XPNPEP1: variants seen among roughly 807,000 people sequenced by gnomAD.
XPNPEP1 encodes the protein xaa-Pro aminopeptidase 1.
Under a neutral mutation model 92.4 loss-of-function variants are expected in XPNPEP1, and 39 were observed. The ratio of observed to expected loss-of-function variants is 0.42; its 90% CI spans 0.33 to 0.55. XPNPEP1 has a LOEUF of 0.55. XPNPEP1 is among the 20% of genes least tolerant of loss of function. XPNPEP1 has a pLI of 0.08. For synonymous variants in XPNPEP1, 307 were observed against 299.4 expected, an observed-to-expected ratio of 1.03 and a Z score of -0.26; for missense variants, 654 against 856.1, an observed-to-expected ratio of 0.76 and a Z score of 2.95.
Position 109,882,427 on chromosome 10 carries a change from C to T in XPNPEP1, c.1041+5G>A. 1 of 1,607,922 alleles carries T rather than the reference C, an allele frequency of 6.2e-7. No individual in the cohort carries two copies. The highest frequency in any genetic ancestry group is 8.5e-7 in the Non-Finnish European group (1 of 1,175,054). On this transcript the variant is annotated splice_donor_5th_base_variant and intron_variant, in intron 10 of 20. Transcript: ENST00000502935. ...GTTTAGATGGGCCAAAGTGGGGTCA[C>T]CAACCTTGGGGATGGTCTCGCTCAC...
Position 109,884,059 on chromosome 10 carries a change from ACACT to A in XPNPEP1, c.830+4_830+7del, listed in dbSNP as rs779231615. On this transcript the variant is annotated splice_donor_5th_base_variant and intron_variant, in intron 9 of 20. Transcript: ENST00000502935. ...GAAGGGAGTTCCAGATGCAGGGCAA[ACACT>A]CACATGATCGTCTCTAGTCCTATGA... 6.2e-7 allele frequency: 1 copy of A among 1,612,546 alleles called. No homozygotes were observed. The highest frequency in any genetic ancestry group is 1.3e-5 in the African/African-American group (1 of 74,878).
In XPNPEP1 at chr10:109,870,599, T is replaced by C. The variant is rs571128142; in HGVS notation, c.1696+132A>G. On this transcript the variant is annotated intron_variant, in intron 18 of 20. Transcript: ENST00000502935. ...CTAAAATGAACATGTATCAGTTCTA[T>C]AATCAGAAAAGTTTGTTGGAAGGGA... The C allele has an allele frequency of 9.9e-5, 120 of 1,210,154 alleles. 2 individuals carry two copies. The South Asian group carries it at 1.8e-3, about 18-fold the overall frequency. 75.0% of individuals were successfully genotyped at this position (1,210,154 alleles called of 1,614,324 possible). A position where few individuals can be genotyped will look rare whatever the true frequency, so the allele number is the denominator to read the frequency against.
intron 11 of XPNPEP1, among the ~76,000 whole-genome samples, chr10:109,880,624 C>T (rs961083755): frequency 2.0e-5 from 3 of 152,226 alleles, no homozygotes; most frequent in Admixed American, 2.0e-4. Context: ...ACACTGTGAA[C>T]ATCAATATCT....
intron 1 of XPNPEP1, among the ~76,000 whole-genome samples, chr10:109,921,256 C>T (rs1850521447): frequency 6.6e-6 from 1 of 152,224 alleles, no homozygotes; most frequent in Non-Finnish European, 1.5e-5. Context: ...AAATGACTGG[C>T]TCAAGGCCTC....
chr10:109,895,308 T>A (rs922946350), intron 3 of XPNPEP1, among the ~76,000 whole-genome samples: 1 of 152,164 alleles, frequency 6.6e-6, no homozygotes, highest in Admixed American at 6.5e-5. Context: ...ACTCTTCCAT[T>A]CAGGGACATA....
intron 3 of XPNPEP1, among the ~76,000 whole-genome samples, chr10:109,897,501 G>A (rs1849047955): frequency 1.3e-5 from 2 of 152,102 alleles, no homozygotes; most frequent in South Asian, 4.1e-4. Flanking sequence ...GTCAATAACT[G>A]TATTCATTTC....
chr10:109,891,531 C>T, intron 5 of XPNPEP1, 191 bp downstream of exon 5: 3 of 444,206 alleles, frequency 6.8e-6, no homozygotes, highest in Non-Finnish European at 1.2e-5. Context: ...CCTGAACCAG[C>T]GTCCTCCAAA....
intron 3 of XPNPEP1, among the ~76,000 whole-genome samples, chr10:109,903,333 A>G (rs1291930108): frequency 6.6e-6 from 1 of 152,230 alleles, no homozygotes; most frequent in African/African-American, 2.4e-5. Context: ...AGGAGTCTTC[A>G]GCTGAGGCTC....
chr10:109,907,335 C>G (rs976559086), intron 3 of XPNPEP1, among the ~76,000 whole-genome samples: 1 of 152,220 alleles, frequency 6.6e-6, no homozygotes, highest in Non-Finnish European at 1.5e-5. Context: ...CATGAGGTCT[C>G]TGCCTCTCCA....
rs777831937 is a variant in XPNPEP1 at position 109,880,242 on chromosome 10, T to C, written c.1132-4A>G. ...AGAGAGCAACAGCATCTTTAATCTGTGCAAACAATGGAGACATTTTTTAAG... is the reference window on the plus strand; with the variant it reads ...AGAGAGCAACAGCATCTTTAATCTGCGCAAACAATGGAGACATTTTTTAAG... On this transcript the variant is annotated splice_region_variant and splice_polypyrimidine_tract_variant and intron_variant, in intron 11 of 20. Transcript: ENST00000502935. The C allele has an allele frequency of 1.9e-6, 3 of 1,613,784 alleles. No individual in the cohort carries two copies. The highest frequency in any genetic ancestry group is 2.2e-5 in the East Asian group (1 of 44,888).
Position 109,888,591 on chromosome 10 carries a change from C to A in XPNPEP1, c.420G>T (p.Leu140=). The change falls in exon 6 of 21, where the codon CTG becomes CTT. Residue 140 remains leucine, a synonymous_variant. Coordinates refer to ENST00000502935, the MANE Select transcript of XPNPEP1 (RefSeq NM_020383.4). ...AGTCTTCCTGAGTTGGTGTGTCCTTCAGACCTACAGGGGGAAGAAATGATA... is the reference window on the plus strand; with the variant it reads ...AGTCTTCCTGAGTTGGTGTGTCCTTAAGACCTACAGGGGGAAGAAATGATA... ...DSNWTLMKMG[L]KDTPTQEDWL... The A allele has an allele frequency of 6.2e-7, 1 of 1,602,442 alleles. No individual in the cohort carries two copies. Among genetic ancestry groups the A allele is most frequent in the Non-Finnish European group, 8.5e-7 (1 of 1,172,682 alleles).
chr10:109,892,639 TAA>T (rs898626529), intron 4 of XPNPEP1: 16 of 191,184 alleles, frequency 8.4e-5, no homozygotes. Flanking sequence ...ACCAATAAGC[TAA>T]GAGAGGAGGT....
chr10:109,876,633 G>A (rs1847800869), intron 14 of XPNPEP1: 2 of 152,258 alleles, frequency 1.3e-5, no homozygotes, highest in African/African-American at 4.8e-5. Flanking sequence ...TGTCCCATCT[G>A]TGACTGTCTC....
chr10:109,882,476 C>T lies in XPNPEP1; in HGVS notation c.997G>A (p.Val333Ile). The T allele has an allele frequency of 6.2e-7, 1 of 1,614,190 alleles. No individual in the cohort carries two copies. The highest frequency in any genetic ancestry group is 2.2e-5 in the East Asian group (1 of 44,886). Residue 333 changes from valine to isoleucine, a missense_variant, in exon 10 of 21, where the codon GTC becomes ATC. Coordinates refer to ENST00000502935, the MANE Select transcript of XPNPEP1 (RefSeq NM_020383.4). ...ACAGCATAGCTGGCCTTGTCACTGA[C>T]CCACACCTTCTCCCTTGGGGAGAGG... is the stretch of plus-strand genomic sequence containing the variant. ...ADLSPREKVW[V>I]SDKASYAVSE...
At chr10:109,879,356 G>C (rs1229812709) in intron 12 of XPNPEP1, among the ~76,000 whole-genome samples, 1 of 152,134 alleles carries the variant, frequency 6.6e-6, no homozygotes, top group South Asian at 2.1e-4. Context: ...TGGATCACAA[G>C]GTCAGGAGTT....
Position 109,891,737 on chromosome 10 carries a change from T to C in XPNPEP1, c.400A>G (p.Thr134Ala), listed in dbSNP as rs1848714956. ...CTGTACCCACCCATCTTCATAAGTGTCCAGTTGCTGTCCATTTGCTTGGCA... is the reference window on the plus strand; with the variant it reads ...CTGTACCCACCCATCTTCATAAGTGCCCAGTTGCTGTCCATTTGCTTGGCA... ...QAAKQMDSNW[T>A]LMKMGLKDTP... The change falls in exon 5 of 21, where the codon ACA becomes GCA. Residue 134 changes from threonine (T) to alanine (A), a missense_variant. Transcript: ENST00000502935. The C allele has an allele frequency of 1.3e-6, 2 of 1,585,518 alleles. No homozygotes were observed. The highest frequency in any genetic ancestry group is 2.3e-5 in the South Asian group (2 of 85,470).
chr10:109,920,671 G>C (rs547000074), intron 1 of XPNPEP1, among the ~76,000 whole-genome samples: 45 of 151,992 alleles, frequency 3.0e-4, no homozygotes, highest in African/African-American at 9.2e-4. Flanking sequence ...CAAGGACCTA[G>C]GACTACAGGT....
chr10:109,897,658 CTTT>C (rs11406139), intron 3 of XPNPEP1, among the ~76,000 whole-genome samples: 1 of 146,524 alleles, frequency 6.8e-6, no homozygotes. Flanking sequence ...TCAGGTCTGA[CTTT>C]TTTTTTTTTT....
At chr10:109,893,178 G>T in intron 3 of XPNPEP1, 103 bp from the exon 4 acceptor site, 1 of 1,053,930 alleles carries the variant, frequency 9.5e-7, no homozygotes. Flanking sequence ...ATGAAGACTG[G>T]GGAATCCTTG....
Sources: allele counts gnomAD v4.1 joint callset (sites outside exome capture counted in the v4.1 genomes callset), GRCh38; gene constraint gnomAD v4.1.1; transcripts MANE v1.5; gene names NCBI Gene and HGNC (gene_info 2026-07-23, HGNC 2026-07-21).